IRAK3: variants seen among roughly 807,000 people sequenced by gnomAD.
The protein encoded by IRAK3 is interleukin 1 receptor associated kinase 3, also known as interleukin-1 receptor-associated kinase 3.
In IRAK3, 57 loss-of-function variants were observed where a neutral mutation model predicts 56.6. The ratio of observed to expected loss-of-function variants is 1.01; its 90% CI spans 0.81 to 1.26. The LOEUF is 1.26. Ranked by LOEUF, IRAK3 falls within the 50% of genes most tolerant of loss-of-function variation. IRAK3 has a pLI of 0.00. For missense variants in IRAK3, 703 were observed against 719.0 expected (o/e 0.98, Z 0.25); for synonymous variants, 258 against 255.7 (o/e 1.01, Z -0.09).
chr12:66,208,013 G>A (rs1366800240), intron 2 of IRAK3, among the ~76,000 whole-genome samples: 1 of 152,174 alleles, frequency 6.6e-6, no homozygotes, highest in Non-Finnish European at 1.5e-5. Flanking sequence ...TGGATGGAAT[G>A]TTCTATAGAT....
chr12:66,245,378 A>G (rs2053019273), intron 11 of IRAK3, 116 bp downstream of exon 11: 1 of 1,092,062 alleles, frequency 9.2e-7, no homozygotes, highest in Admixed American at 1.9e-5. Flanking sequence ...CCAGCCTCCA[A>G]CAGAGAATTC....
chr12:66,247,364 C>G (rs1308160029), intron 11 of IRAK3, among the ~76,000 whole-genome samples: 2 of 152,162 alleles, frequency 1.3e-5, no homozygotes, highest in African/African-American at 2.4e-5. Flanking sequence ...TTCCTTATTC[C>G]CTTCCAATCT....
At chr12:66,235,636 TTA>T (rs2052900339) in intron 8 of IRAK3, among the ~76,000 whole-genome samples, 1 of 152,084 alleles carries the variant, frequency 6.6e-6, no homozygotes, top group African/African-American at 2.4e-5. Flanking sequence ...TATTATTAAG[TTA>T]TGTTTTTAAA....
At chr12:66,240,264 G>C (rs1037207205) in intron 8 of IRAK3, among the ~76,000 whole-genome samples, 2 of 152,160 alleles carry the variant, frequency 1.3e-5, no homozygotes, top group African/African-American at 4.8e-5. Flanking sequence ...GGGGGGTTGT[G>C]CTAGTTGTGG....
intron 8 of IRAK3, among the ~76,000 whole-genome samples, chr12:66,236,395 CAAAA>C (rs56074285): frequency 1.4e-4 from 16 of 110,408 alleles, no homozygotes; most frequent in Admixed American, 1.9e-4. Context: ...CTAAAAATAC[CAAAA>C]AAAAAAAAAA....
rs2052691313 is a variant in IRAK3, at chr12:66,217,709, GTTTTCATATACATATTCA to G, written c.653+476_653+493del. 3.9e-5 allele frequency among the ~76,000 whole-genome samples: 6 copies of G among 152,188 alleles called. No homozygotes were observed. The South Asian group carries it at 1.0e-3, about 26-fold the overall frequency. On this transcript the variant is annotated intron_variant, in intron 6 of 11. Coordinates refer to ENST00000261233, the MANE Select transcript of IRAK3 (RefSeq NM_007199.3). ...CTTGGAGACAAATTGAAATGACTTC[GTTTTCATATACATATTCA>G]TATCTGCAGCTGTGCAGCCTTCCTC...
intron 1 of IRAK3, among the ~76,000 whole-genome samples, chr12:66,192,904 A>G (rs1328317522): frequency 3.3e-5 from 5 of 152,160 alleles, no homozygotes; most frequent in Non-Finnish European, 7.3e-5. Flanking sequence ...CAGTCTTCTA[A>G]ATGGCACACT....
chr12:66,221,844 CATG>C (rs2052737158), intron 6 of IRAK3, among the ~76,000 whole-genome samples: 1 of 152,124 alleles, frequency 6.6e-6, no homozygotes, highest in South Asian at 2.1e-4. Flanking sequence ...GCCTGGCCAA[CATG>C]ATGAAACCCC....
chr12:66,220,844 A>G (rs577298974), intron 6 of IRAK3, among the ~76,000 whole-genome samples: 10 of 151,956 alleles, frequency 6.6e-5, no homozygotes, highest in Middle Eastern at 3.4e-3. Context: ...AAACTCACTT[A>G]CTGTTTTGGG....
chr12:66,210,126 A>C, intron 3 of IRAK3, 21 bp from the exon 4 acceptor site: 1 of 1,446,774 alleles, frequency 6.9e-7, no homozygotes, highest in South Asian at 1.1e-5. Context: ...GAATTACTTT[A>C]GTATATATTT....
intron 6 of IRAK3, among the ~76,000 whole-genome samples, chr12:66,225,129 C>T (rs1427420771): frequency 3.9e-5 from 6 of 152,002 alleles, no homozygotes; most frequent in Non-Finnish European, 7.4e-5. Context: ...AGCACCAGGC[C>T]GTGGCTCTGT....
chr12:66,197,388 A>C, intron 1 of IRAK3: 2 of 991,582 alleles, frequency 2.0e-6, no homozygotes, highest in African/African-American at 1.7e-5. Flanking sequence ...TGTAATTAAC[A>C]TGTTGAGAGT....
intron 1 of IRAK3, among the ~76,000 whole-genome samples, chr12:66,192,318 C>G (rs539738876): frequency 2.6e-5 from 4 of 152,202 alleles, no homozygotes; most frequent in South Asian, 2.1e-4. Context: ...AATGTAATCA[C>G]AAGATAATAT....
At chr12:66,244,054 T>C (rs1210604021) in intron 8 of IRAK3, among the ~76,000 whole-genome samples, 1 of 152,244 alleles carries the variant, frequency 6.6e-6, no homozygotes, top group East Asian at 1.9e-4. Flanking sequence ...TCCAAGTTAG[T>C]GGCTCTGCGC....
intron 1 of IRAK3, among the ~76,000 whole-genome samples, chr12:66,200,153 T>C (rs539378939): frequency 6.6e-6 from 1 of 152,350 alleles, no homozygotes; most frequent in South Asian, 2.1e-4. Context: ...CCACTCTATT[T>C]AACTCTGTTC....
chr12:66,214,434 G>A (rs937281183), intron 5 of IRAK3, among the ~76,000 whole-genome samples: 4 of 151,964 alleles, frequency 2.6e-5, no homozygotes, highest in Admixed American at 6.6e-5. Context: ...CCAGCTACTC[G>A]AGAGGCTGAG....
intron 2 of IRAK3, among the ~76,000 whole-genome samples, chr12:66,208,835 A>T (rs1481801845): frequency 2.0e-5 from 3 of 152,026 alleles, no homozygotes; most frequent in Non-Finnish European, 4.4e-5. Flanking sequence ...AGGCCGAGGC[A>T]GGCAGATCTC....
intron 2 of IRAK3, among the ~76,000 whole-genome samples, chr12:66,204,439 C>T (rs914253112): frequency 2.6e-5 from 4 of 152,174 alleles, no homozygotes; most frequent in Non-Finnish European, 5.9e-5. Flanking sequence ...ACTACCCATT[C>T]CACAGTAGCC....
intron 8 of IRAK3, among the ~76,000 whole-genome samples, chr12:66,240,725 C>T (rs1152914): frequency 0.87 from 131,840 of 151,602 alleles, 58,330 homozygotes; most frequent in Non-Finnish European, 0.96. Flanking sequence ...CCCTCTTCCC[C>T]AGGTCCTTCT....
Sources: allele counts gnomAD v4.1 joint callset (sites outside exome capture counted in the v4.1 genomes callset), GRCh38; gene constraint gnomAD v4.1.1; transcripts MANE v1.5; gene names NCBI Gene and HGNC (gene_info 2026-07-23, HGNC 2026-07-21).